Variants in KCTD8 observed in about 807,000 individuals in gnomAD.
KCTD8 encodes the protein BTB/POZ domain-containing protein KCTD8.
Under a neutral mutation model 31.5 loss-of-function variants are expected in KCTD8, and 27 were observed. That is an observed-to-expected ratio of 0.86 (90% CI 0.63 to 1.18). The LOEUF is 1.18. Among genes scored for constraint, KCTD8 ranks in the 50% most tolerant of loss-of-function variants. The pLI is 0.00. For missense variants in KCTD8, 658 were observed against 647.7 expected (o/e 1.02, Z -0.17); for synonymous variants, 290 against 280.0 (o/e 1.04, Z -0.36).
intron 1 of KCTD8, among the ~76,000 whole-genome samples, chr4:44,316,169 T>C (rs561773465): frequency 2.0e-5 from 3 of 152,240 alleles, no homozygotes; most frequent in South Asian, 2.1e-4. Context: ...AGATTACTTA[T>C]TGCTATTTTT....
intron 1 of KCTD8, chr4:44,293,526 C>G (rs999594778): frequency 7.0e-6 from 3 of 430,400 alleles, no homozygotes; most frequent in African/African-American, 6.2e-5. Flanking sequence ...AAGCAGCACA[C>G]AGAGGACACA....
chr4:44,179,445 A>G (rs1713311914), intron 1 of KCTD8, among the ~76,000 whole-genome samples: 1 of 150,154 alleles, frequency 6.7e-6, no homozygotes, highest in East Asian at 1.9e-4. Context: ...TAAAATAGTT[A>G]TACACATTAA....
chr4:44,234,652 C>G (rs1427022567), intron 1 of KCTD8, among the ~76,000 whole-genome samples: 5 of 152,080 alleles, frequency 3.3e-5, no homozygotes, highest in African/African-American at 1.2e-4. Context: ...GAGAGCAGAA[C>G]AGAAAGTCAC....
chr4:44,293,565 C>G (rs933714159), intron 1 of KCTD8: 5 of 375,530 alleles, frequency 1.3e-5, no homozygotes, highest in African/African-American at 4.3e-5. Context: ...AAGAAAAGGT[C>G]AGGGAAAAGC....
At chr4:44,229,719 G>T (rs911772026) in intron 1 of KCTD8, among the ~76,000 whole-genome samples, 7 of 152,004 alleles carry the variant, frequency 4.6e-5, no homozygotes, top group Non-Finnish European at 1.5e-5. Flanking sequence ...CTTCAGGAAG[G>T]TATGTCCCTT....
At chr4:44,268,020 G>C (rs1311294681) in intron 1 of KCTD8, among the ~76,000 whole-genome samples, 1 of 152,086 alleles carries the variant, frequency 6.6e-6, no homozygotes, top group Non-Finnish European at 1.5e-5. Context: ...AGAAAAAGAG[G>C]GAATCCTCCC....
chr4:44,438,979 C>G (rs1379420013), intron 1 of KCTD8, among the ~76,000 whole-genome samples: 1 of 152,084 alleles, frequency 6.6e-6, no homozygotes, highest in East Asian at 1.9e-4. Flanking sequence ...ATTATTTTCC[C>G]AAGATCTTAA....
intron 1 of KCTD8, among the ~76,000 whole-genome samples, chr4:44,234,793 T>C (rs551318536): frequency 6.6e-6 from 1 of 152,328 alleles, no homozygotes; most frequent in East Asian, 1.9e-4. Flanking sequence ...TTTACATTCC[T>C]ATGGGAGCCT....
chr4:44,411,424 G>A (rs1334618872), intron 1 of KCTD8, among the ~76,000 whole-genome samples: 1 of 147,904 alleles, frequency 6.8e-6, no homozygotes, highest in Admixed American at 6.7e-5. Flanking sequence ...GGAAAATGAT[G>A]TAAAAGAGTT....
At chr4:44,267,889 T>G (rs1221849075) in intron 1 of KCTD8, among the ~76,000 whole-genome samples, 2 of 152,136 alleles carry the variant, frequency 1.3e-5, no homozygotes, top group Non-Finnish European at 2.9e-5. Flanking sequence ...TCTTAAATTG[T>G]GGCAATTATC....
At chr4:44,375,242 T>G (rs1719890015) in intron 1 of KCTD8, among the ~76,000 whole-genome samples, 1 of 151,816 alleles carries the variant, frequency 6.6e-6, no homozygotes, top group African/African-American at 2.4e-5. Flanking sequence ...GCTGGGAGTG[T>G]GAGGTAAGAA....
chr4:44,223,495 T>C (rs1257875367), intron 1 of KCTD8, among the ~76,000 whole-genome samples: 1 of 152,160 alleles, frequency 6.6e-6, no homozygotes, highest in Non-Finnish European at 1.5e-5. Context: ...TGTTCATGCT[T>C]TTGCACTCTC....
chr4:44,298,460 G>T (rs1717509614), intron 1 of KCTD8, among the ~76,000 whole-genome samples: 1 of 151,752 alleles, frequency 6.6e-6, no homozygotes, highest in South Asian at 2.1e-4. Context: ...GATGAACTGG[G>T]GGAAAAGGAG....
At chr4:44,385,042 C>T (rs1056119720) in intron 1 of KCTD8, among the ~76,000 whole-genome samples, 2 of 150,986 alleles carry the variant, frequency 1.3e-5, no homozygotes, top group African/African-American at 2.4e-5. Context: ...AAGACTTATA[C>T]ATTAAAAACT....
At chr4:44,317,795 C>T (rs1431447065) in intron 1 of KCTD8, among the ~76,000 whole-genome samples, 1 of 152,174 alleles carries the variant, frequency 6.6e-6, no homozygotes, top group African/African-American at 2.4e-5. Flanking sequence ...GAAAGCTACC[C>T]TTAACTTCTG....
At chr4:44,306,686 A>C (rs1717813691) in intron 1 of KCTD8, among the ~76,000 whole-genome samples, 1 of 151,810 alleles carries the variant, frequency 6.6e-6, no homozygotes, top group South Asian at 2.1e-4. Context: ...GCATGATCTC[A>C]GTCCTGAACA....
At chr4:44,331,339 T>C (rs1042448592) in intron 1 of KCTD8, among the ~76,000 whole-genome samples, 1 of 151,858 alleles carries the variant, frequency 6.6e-6, no homozygotes, top group African/African-American at 2.4e-5. Flanking sequence ...GAGAGCATTT[T>C]AATTTAATGC....
chr4:44,270,542 A>T (rs1716560630), intron 1 of KCTD8, among the ~76,000 whole-genome samples: 2 of 151,978 alleles, frequency 1.3e-5, no homozygotes, highest in Admixed American at 1.3e-4. Context: ...AAAGTATAAT[A>T]ATAATAATAA....
intron 1 of KCTD8, among the ~76,000 whole-genome samples, chr4:44,260,753 A>G (rs1716137462): frequency 6.6e-6 from 1 of 151,998 alleles, no homozygotes; most frequent in Non-Finnish European, 1.5e-5. Flanking sequence ...AATTCATGAG[A>G]GCTATCCAGG....
Sources: gnomAD v4.1 joint callset for allele counts (sites outside exome capture counted in the v4.1 genomes callset) on GRCh38, gnomAD v4.1.1 for gene constraint, MANE v1.5 for transcripts, NCBI Gene and HGNC (gene_info 2026-07-23, HGNC 2026-07-21) for gene names.